The following TMEM59 variants were observed in gnomAD, a reference collection of about 807,000 sequenced individuals.
TMEM59 encodes dendritic cell factor 1.
In TMEM59, 44 loss-of-function variants were observed where a neutral mutation model predicts 42.2. That is an observed-to-expected ratio of 1.04 (90% CI 0.82 to 1.34). The LOEUF (loss-of-function observed/expected upper bound fraction) is 1.34. Among genes scored for constraint, TMEM59 ranks in the 40% most tolerant of loss-of-function variants. The pLI is 0.00. For synonymous variants in TMEM59, 148 were observed against 145.8 expected, an observed-to-expected ratio of 1.02 and a Z score of -0.11; for missense variants, 359 against 382.8, an observed-to-expected ratio of 0.94 and a Z score of 0.52.
chr1:54,042,071 T>A (rs954162659), intron 4 of TMEM59, among the ~76,000 whole-genome samples: 36 of 151,426 alleles, frequency 2.4e-4, no homozygotes, highest in African/African-American at 7.0e-4. Flanking sequence ...TTTTTTTTTT[T>A]AAAGGGAGAG....
intron 1 of TMEM59, among the ~76,000 whole-genome samples, chr1:54,051,349 C>G (rs1657532335): frequency 6.6e-6 from 1 of 152,118 alleles, no homozygotes; most frequent in Non-Finnish European, 1.5e-5. Context: ...TATGATAAAT[C>G]TCCCATCACT....
rs1432337676 is a variant in TMEM59, at chr1:54,053,062, C to G, written c.127G>C (p.Gly43Arg). 6.2e-7 allele frequency: 1 copy of G among 1,614,048 alleles called. No individual in the cohort carries two copies. The highest frequency in any genetic ancestry group is 8.5e-7 in the Non-Finnish European group (1 of 1,180,050). Residue 43 changes from glycine to arginine, a missense_variant, in exon 1 of 8, where the codon GGT becomes CGT. Coordinates refer to ENST00000234831, the MANE Select transcript of TMEM59 (RefSeq NM_004872.5). ...ASAEAFDSVLGDTASCHRACQ... is the reference protein window; with the variant it reads ...ASAEAFDSVLRDTASCHRACQ... ...GCCCGGTGGCAAGACGCCGTATCAC[C>G]CAAGACCGAGTCAAATGCTTCAGCC...
chr1:54,047,364 C>T lies in TMEM59; in HGVS notation c.198G>A (p.Glu66=). 1 of 1,613,390 alleles carries T rather than the reference C, an allele frequency of 6.2e-7. No individual in the cohort carries two copies. Among genetic ancestry groups the T allele is most frequent in the Non-Finnish European group, 8.5e-7 (1 of 1,179,768 alleles). The change falls in exon 2 of 8, where the codon GAG becomes GAA. Residue 66 remains glutamate, a synonymous_variant. Coordinates refer to ENST00000234831, the MANE Select transcript of TMEM59 (RefSeq NM_004872.5). ...TGCAACCTCTCTGACATGCGTACAACTCCTCTTCCTAGGGAGTTCAAGAAC... is the reference window on the plus strand; with the variant it reads ...TGCAACCTCTCTGACATGCGTACAATTCCTCTTCCTAGGGAGTTCAAGAAC... ...YPLHTYPKEE[E]LYACQRGCRL...
intron 6 of TMEM59, among the ~76,000 whole-genome samples, chr1:54,039,418 C>T (rs537749084): frequency 3.3e-5 from 5 of 152,138 alleles, no homozygotes; most frequent in Non-Finnish European, 5.9e-5. Context: ...TATCAAACTG[C>T]AACATACATC....
In TMEM59 at chr1:54,041,714, TAA is replaced by T; in HGVS notation, c.625+8_625+9del. On this transcript the variant is annotated splice_region_variant and intron_variant, in intron 5 of 7. Transcript: ENST00000234831. ...ATGTTTTTATCTAAGCTACTTAAAA[TAA>T]AACTTACAGGACATTTTGCTTAGAG... 6.2e-7 allele frequency: 1 copy of T among 1,610,348 alleles called. No individual in the cohort carries two copies. The highest frequency in any genetic ancestry group is 8.5e-7 in the Non-Finnish European group (1 of 1,177,338).
At position 54,053,181 on chromosome 1, in the gene TMEM59, G is replaced by T; in HGVS notation, c.8C>A (p.Ala3Glu). 3.1e-6 allele frequency: 5 copies of T among 1,613,958 alleles called. No homozygotes were observed. The highest frequency in any genetic ancestry group is 3.4e-6 in the Non-Finnish European group (4 of 1,179,954). MA[A>E]PKGSLWVRTQ... ...CCTCACCCAGAGGCTCCCCTTCGGC[G>T]CCGCCATCTTGTTCCCCTCTGTCAC... Residue 3 changes from alanine to glutamate, a missense_variant, in exon 1 of 8, where the codon GCG becomes GAG. Physicochemically the swap from Ala to Glu is moderately radical, Grantham distance 107. Transcript: ENST00000234831.
Position 54,043,009 on chromosome 1 carries a change from T to C in TMEM59, c.543+364A>G, listed in dbSNP as rs576610127. Among the ~76,000 whole-genome samples, 180 of 152,326 alleles carry C rather than the reference T, an allele frequency of 1.2e-3. 1 individual carries two copies. The highest frequency in any genetic ancestry group is 4.1e-3 in the African/African-American group (171 of 41,568). On this transcript the variant is annotated intron_variant, in intron 4 of 7. Coordinates refer to ENST00000234831, the MANE Select transcript of TMEM59 (RefSeq NM_004872.5). ...CTGTAAAAAACTAAAAATTATGTCA[T>C]ATTGCTTTTATCTGATATCCATATG...
At chr1:54,047,127 C>G in intron 2 of TMEM59, 140 bp downstream of exon 2, 1 of 663,764 alleles carries the variant, frequency 1.5e-6, no homozygotes, top group South Asian at 2.4e-5. Flanking sequence ...TACGAAAACT[C>G]TTAGATCCAT....
Position 54,045,705 on chromosome 1 carries a change from AGTTCAGC to A in TMEM59, c.370_376del (p.Ala124Ter). On this transcript the variant is annotated frameshift_variant, in exon 3 of 8. Coordinates refer to ENST00000234831, the MANE Select transcript of TMEM59 (RefSeq NM_004872.5). LOFTEE classifies it high-confidence loss of function. ...ATTGTTTCGTACTTGTTCTTGTCTC[AGTTCAGC>A]GAATGGCAGCTGATTCTGGCAACCA... 1 of 1,614,164 alleles carries A rather than the reference AGTTCAGC, an allele frequency of 6.2e-7. No homozygotes were observed. Among genetic ancestry groups the A allele is most frequent in the East Asian group, 2.2e-5 (1 of 44,870 alleles).
At chr1:54,043,618 G>C in intron 3 of TMEM59, 93 bp from the exon 4 acceptor site, 2 of 837,470 alleles carry the variant, frequency 2.4e-6, no homozygotes, top group Non-Finnish European at 3.2e-6. Context: ...TCCTTATTGG[G>C]ACAGGATACA....
At chr1:54,042,043 A>G (rs1011159141) in intron 4 of TMEM59, among the ~76,000 whole-genome samples, 3 of 150,854 alleles carry the variant, frequency 2.0e-5, no homozygotes, top group Admixed American at 6.6e-5. Context: ...ACTTCCTGAC[A>G]ACGTTTTGTT....
At chr1:54,048,642 C>T (rs773164163) in intron 1 of TMEM59, 8 of 438,088 alleles carry the variant, frequency 1.8e-5, no homozygotes, top group Non-Finnish European at 3.8e-5. Flanking sequence ...GGAGCCCCCT[C>T]GACTTACTAT....
At position 54,027,453 on chromosome 1, in the gene TMEM59, A is replaced by G. The variant is rs1277562320; in HGVS notation, c.*4697T>C. The G allele has an allele frequency of 1.3e-5, 2 of 152,190 alleles. No homozygotes were observed. The highest frequency in any genetic ancestry group is 4.8e-5 in the African/African-American group (2 of 41,418). 9.4% of individuals were successfully genotyped at this position (152,190 alleles called of 1,614,324 possible). ...AAAGTTTGAAACAAATAAGTCATTA[A>G]TATCACAGGAAGAGAGTACTTAATA... On this transcript the variant is annotated 3_prime_UTR_variant, in exon 8 of 8. Coordinates refer to ENST00000234831, the MANE Select transcript of TMEM59 (RefSeq NM_004872.5).
intron 1 of TMEM59, among the ~76,000 whole-genome samples, chr1:54,052,121 T>C (rs1243349995): frequency 1.3e-5 from 2 of 151,924 alleles, no homozygotes; most frequent in East Asian, 3.9e-4. Context: ...TAAAACAACG[T>C]GGGGGAGGGC....
At chr1:54,053,209 C>T (rs1190344853), upstream of TMEM59, 1 of 1,612,136 alleles carries the variant, frequency 6.2e-7, no homozygotes, top group Admixed American at 1.7e-5. Flanking sequence ...TCTGTCACAG[C>T]AGCTCAGCTT....
intron 1 of TMEM59, among the ~76,000 whole-genome samples, chr1:54,051,755 T>C (rs182454664): frequency 5.9e-5 from 9 of 152,346 alleles, no homozygotes; most frequent in Admixed American, 2.0e-4. Context: ...GCAGTATTCA[T>C]TGATTTAAGT....
chr1:54,045,789 G>A lies in TMEM59; in HGVS notation c.296-3C>T, dbSNP rs760198769. The stretch of plus-strand genomic sequence containing the variant: ...TTGGGAATATGCTTCTGTACATGCT[G>A]TAAGAGAAAAATAGTCAAATTACAA... On this transcript the variant is annotated splice_region_variant and splice_polypyrimidine_tract_variant and intron_variant, in intron 2 of 7. Transcript: ENST00000234831. 1.2e-6 allele frequency: 2 copies of A among 1,602,298 alleles called. No individual in the cohort carries two copies. The highest frequency in any genetic ancestry group is 1.1e-5 in the South Asian group (1 of 89,048).
At chr1:54,053,214 C>A (rs1657641140), upstream of TMEM59, 1 of 1,608,672 alleles carries the variant, frequency 6.2e-7, no homozygotes, top group South Asian at 1.1e-5. Flanking sequence ...CACAGCAGCT[C>A]AGCTTGTTGC....
rs1035425442 is a variant in TMEM59 at position 54,030,481 on chromosome 1, G to A, written c.*1669C>T. ...GTTTGTTTGTATTTTTTTGTACAGAGAGGGTCTTGCTATGTTGCCCAGGTT... is the reference window on the plus strand; with the variant it reads ...GTTTGTTTGTATTTTTTTGTACAGAAAGGGTCTTGCTATGTTGCCCAGGTT... On this transcript the variant is annotated 3_prime_UTR_variant, in exon 8 of 8. Coordinates refer to ENST00000234831, the MANE Select transcript of TMEM59 (RefSeq NM_004872.5). 6.6e-6 allele frequency: 1 copy of A among 152,106 alleles called. No individual in the cohort carries two copies. The highest frequency in any genetic ancestry group is 2.4e-5 in the African/African-American group (1 of 41,338). 9.4% of individuals were successfully genotyped at this position (152,106 alleles called of 1,614,324 possible).
Sources: gnomAD v4.1 joint callset for allele counts (sites outside exome capture counted in the v4.1 genomes callset) on GRCh38, gnomAD v4.1.1 for gene constraint, MANE v1.5 for transcripts, NCBI Gene and HGNC (gene_info 2026-07-23, HGNC 2026-07-21) for gene names.